ASIC2: variants seen among roughly 807,000 people sequenced by gnomAD.
ASIC2 encodes acid-sensing ion channel 2.
In ASIC2, 25 loss-of-function variants were observed where a neutral mutation model predicts 57.3. The observed-to-expected ratio is 0.44, with a 90% CI of 0.32 to 0.61. ASIC2 has a LOEUF of 0.61. Among genes scored for constraint, ASIC2 ranks in the 20% least tolerant of loss-of-function variants. ASIC2 has a pLI of 0.06. For synonymous variants in ASIC2, 319 were observed against 307.5 expected, an observed-to-expected ratio of 1.04 and a Z score of -0.39; for missense variants, 641 against 738.1, an observed-to-expected ratio of 0.87 and a Z score of 1.52.
rs1438922216 is a variant in ASIC2 at position 33,841,684 on chromosome 17, C to T, written c.555+314294G>A. On this transcript the variant is annotated intron_variant, in intron 1 of 9. Transcript: ENST00000359872. ...CAGGGGTTATCTTCAGGGACAGAAG[C>T]CCCCAAGAGAGGGAGGCATCAGTCA... Among the ~76,000 whole-genome samples, 5 of 152,298 alleles carry T rather than the reference C, an allele frequency of 3.3e-5. No individual in the cohort carries two copies. The East Asian group carries it at 5.8e-4, about 18-fold the overall frequency.
At chr17:33,665,132 C>T (rs909979799) in intron 1 of ASIC2, among the ~76,000 whole-genome samples, 2 of 151,972 alleles carry the variant, frequency 1.3e-5, no homozygotes, top group Non-Finnish European at 2.9e-5. Flanking sequence ...GGGCTCAGAC[C>T]GTGAAGGCAG....
intron 1 of ASIC2, among the ~76,000 whole-genome samples, chr17:33,869,324 G>A (rs1052805227): frequency 1.3e-5 from 2 of 152,130 alleles, no homozygotes; most frequent in East Asian, 3.9e-4. Context: ...AACGTAAAAT[G>A]GCACAAGTGT....
At chr17:33,956,243 T>C (rs542363548) in intron 1 of ASIC2, among the ~76,000 whole-genome samples, 25 of 152,120 alleles carry the variant, frequency 1.6e-4, no homozygotes, top group Admixed American at 1.4e-3. Context: ...TGAAGAAGAG[T>C]TTCCACCATT....
At position 33,177,437 on chromosome 17, in the gene ASIC2, A is replaced by C. The variant is rs186812481; in HGVS notation, c.709-65370T>G. ...CAAAGGAAGGCAGAAAAATGGTCTT[A>C]GAGAGGAGGGCTTGCCATCAGATAA... On this transcript the variant is annotated intron_variant, in intron 1 of 9. Transcript: ENST00000225823. Among the ~76,000 whole-genome samples, 297 of 152,314 alleles carry C rather than the reference A, an allele frequency of 1.9e-3. 3 individuals are homozygous for C. The highest frequency in any genetic ancestry group is 4.7e-4 in the Non-Finnish European group (32 of 68,024).
intron 1 of ASIC2, among the ~76,000 whole-genome samples, chr17:34,066,768 T>A (rs890794870): frequency 6.6e-6 from 1 of 152,106 alleles, no homozygotes; most frequent in African/African-American, 2.4e-5. Flanking sequence ...AGGGCCAAAG[T>A]GGACTGCTTT....
At chr17:33,865,207 G>T (rs1277474652) in intron 1 of ASIC2, among the ~76,000 whole-genome samples, 12 of 152,186 alleles carry the variant, frequency 7.9e-5, no homozygotes, top group Admixed American at 7.9e-4. Flanking sequence ...CCAGGCGATG[G>T]TCAGTGTGTT....
In ASIC2 at chr17:33,978,293, A is replaced by C. The variant is rs140718155; in HGVS notation, c.555+177685T>G. On this transcript the variant is annotated intron_variant, in intron 1 of 9. Transcript: ENST00000359872. ...GAAGGCAGAGAGAGGAGCTATTTGCATGCCAGCCCAGGGCTACGTAGAAAA... is the reference window on the plus strand; with the variant it reads ...GAAGGCAGAGAGAGGAGCTATTTGCCTGCCAGCCCAGGGCTACGTAGAAAA... Among the ~76,000 whole-genome samples the C allele has an allele frequency of 9.8e-5, 15 of 152,298 alleles. No homozygotes were observed. The South Asian group carries it at 1.2e-3, about 13-fold the overall frequency.
rs114769823 is a variant in ASIC2, at chr17:33,056,897, C to T, written c.988-28505G>A. On this transcript the variant is annotated intron_variant, in intron 3 of 9. Transcript: ENST00000225823. ...TTGCATTATCTCTCAAAGCTACTGA[C>T]CATCTGTTGAGAAGCCCAGGCCACA... 2.8e-3 allele frequency among the ~76,000 whole-genome samples: 424 copies of T among 152,280 alleles called. 2 individuals are homozygous for T. The highest frequency in any genetic ancestry group is 9.9e-3 in the African/African-American group (411 of 41,548).
intron 1 of ASIC2, among the ~76,000 whole-genome samples, chr17:33,163,915 C>T (rs79314389): frequency 6.6e-6 from 1 of 152,302 alleles, no homozygotes; most frequent in Non-Finnish European, 1.5e-5. Context: ...TCTGTTCAAA[C>T]ATTTTTGAGG....
chr17:33,458,806 A>T (rs1912537952), intron 1 of ASIC2, among the ~76,000 whole-genome samples: 2 of 152,160 alleles, frequency 1.3e-5, no homozygotes, highest in African/African-American at 4.8e-5. Context: ...GGTCCAAATG[A>T]CTTCTTTGGT....
At chr17:33,172,122 A>T (rs1310447082) in intron 1 of ASIC2, among the ~76,000 whole-genome samples, 1 of 152,216 alleles carries the variant, frequency 6.6e-6, no homozygotes, top group Non-Finnish European at 1.5e-5. Context: ...TTTGCTCATG[A>T]TTGCATCATG....
chr17:33,015,177 T>C (rs1728597439), intron 9 of ASIC2, among the ~76,000 whole-genome samples: 1 of 152,186 alleles, frequency 6.6e-6, no homozygotes, highest in Non-Finnish European at 1.5e-5. Context: ...GATTTGTTGA[T>C]ATTAAGTGGG....
chr17:33,548,058 G>A (rs1915636352), intron 1 of ASIC2, among the ~76,000 whole-genome samples: 1 of 152,156 alleles, frequency 6.6e-6, no homozygotes, highest in African/African-American at 2.4e-5. Flanking sequence ...CGTTAACAGG[G>A]AAATTGTGTG....
intron 1 of ASIC2, among the ~76,000 whole-genome samples, chr17:33,864,941 C>T (rs1000170863): frequency 2.0e-5 from 3 of 150,998 alleles, no homozygotes; most frequent in Admixed American, 6.6e-5. Flanking sequence ...ACCAGATGTC[C>T]GTGGAATCAT....
intron 1 of ASIC2, among the ~76,000 whole-genome samples, chr17:33,923,648 C>G (rs767526991): frequency 6.6e-6 from 1 of 152,080 alleles, no homozygotes; most frequent in Non-Finnish European, 1.5e-5. Flanking sequence ...GCTGTGGGGC[C>G]GGGGAGTGGG....
intron 1 of ASIC2, among the ~76,000 whole-genome samples, chr17:33,662,968 G>A (rs1475525327): frequency 6.6e-6 from 1 of 152,144 alleles, no homozygotes; most frequent in Non-Finnish European, 1.5e-5. Context: ...AATGTAAAGG[G>A]GAAGACCTGC....
chr17:33,545,598 C>T (rs991720263), intron 1 of ASIC2, among the ~76,000 whole-genome samples: 1 of 152,138 alleles, frequency 6.6e-6, no homozygotes, highest in African/African-American at 2.4e-5. Context: ...TTCTCCTCTT[C>T]TTAACCACTT....
chr17:33,153,551 G>A (rs1294415383), intron 1 of ASIC2, among the ~76,000 whole-genome samples: 1 of 152,172 alleles, frequency 6.6e-6, no homozygotes, highest in Non-Finnish European at 1.5e-5. Flanking sequence ...GGTTTCTTGG[G>A]TGCAGTAATG....
At chr17:34,102,992 A>T (rs931385030) in intron 1 of ASIC2, among the ~76,000 whole-genome samples, 1 of 152,146 alleles carries the variant, frequency 6.6e-6, no homozygotes, top group Admixed American at 6.5e-5. Context: ...CTTTTATTAA[A>T]TTGTCATTTT....
Sources: allele counts gnomAD v4.1 joint callset (sites outside exome capture counted in the v4.1 genomes callset), GRCh38; gene constraint gnomAD v4.1.1; transcripts MANE v1.5; gene names NCBI Gene and HGNC (gene_info 2026-07-23, HGNC 2026-07-21).